Variants in MS4A15 observed in about 807,000 individuals in gnomAD.
MS4A15 encodes the protein membrane-spanning 4-domains subfamily A member 15.
In MS4A15, 22 loss-of-function variants were observed where a neutral mutation model predicts 20.6. That is an observed-to-expected ratio of 1.07 (90% confidence interval 0.76 to 1.52). The LOEUF (loss-of-function observed/expected upper bound fraction) is 1.52. Ranked by LOEUF, MS4A15 falls within the 40% of genes most tolerant of loss-of-function variation. The probability of loss-of-function intolerance (pLI) is 0.00; values close to 1 mark genes in which losing one functional copy is unlikely to be tolerated. For missense variants in MS4A15, 312 were observed against 323.0 expected, an observed-to-expected ratio of 0.97 and a Z score of 0.26; for synonymous variants, 129 against 129.3, an observed-to-expected ratio of 1.00 and a Z score of 0.02.
chr11:60,771,615 A>G (rs115197709), intron 4 of MS4A15: 27,894 of 1,485,866 alleles, frequency 0.019, 375 homozygotes, highest in Middle Eastern at 0.047. Flanking sequence ...GAAAGATGCT[A>G]GAAGATCTCC....
Position 60,773,939 on chromosome 11 carries a change from C to T in MS4A15, c.601C>T (p.Gln201Ter), listed in dbSNP as rs566563338. 1 of 1,613,650 alleles carries T rather than the reference C, an allele frequency of 6.2e-7. No individual in the cohort carries two copies. Among genetic ancestry groups the T allele is most frequent in the South Asian group, 1.1e-5 (1 of 91,064 alleles). ...MHFGCQAIHA[Q>*]ASAPVIFLPN... ...CTTCGGGTGCCAAGCCATCCATGCC[C>T]AGGCCAGTGCAGTGAGTACCCCCAC... Residue 201 changes from glutamine (Q) to a stop codon, truncating the protein, a stop_gained, in exon 6 of 7, where the codon CAG (glutamine) becomes TAG (stop). Coordinates refer to ENST00000405633, the MANE Select transcript of MS4A15 (RefSeq NM_001098835.2). LOFTEE classifies it high-confidence loss of function.
Position 60,763,829 on chromosome 11 carries a change from C to T in MS4A15, c.96C>T (p.Ser32=), listed in dbSNP as rs568819110. The change falls in exon 2 of 7, where the codon TCC becomes TCT. Residue 32 remains serine, a synonymous_variant. Coordinates refer to ENST00000405633, the MANE Select transcript of MS4A15 (RefSeq NM_001098835.2). ...CACCTCCGGCCATTCTGCCCACATC[C>T]ATGTGCCAACCTCCAGGGATTATGC... is the stretch of plus-strand genomic sequence containing the variant. The part of the protein sequence containing the change: ...LCPPPAILPT[S]MCQPPGIMQF... The T allele has an allele frequency of 1.9e-5, 31 of 1,612,726 alleles. No individual in the cohort carries two copies. The East Asian group carries it at 5.1e-4, about 27-fold the overall frequency.
chr11:60,773,523 A>C (rs1486966570), intron 5 of MS4A15, 39 bp downstream of exon 5: 4 of 1,571,176 alleles, frequency 2.5e-6, no homozygotes, highest in Non-Finnish European at 3.5e-6. Context: ...GAAAACTTGG[A>C]AAATGATGCA....
intron 4 of MS4A15, among the ~76,000 whole-genome samples, chr11:60,772,802 C>G (rs570840435): frequency 6.6e-6 from 1 of 152,166 alleles, no homozygotes; most frequent in Non-Finnish European, 1.5e-5. Context: ...TTGCCCTGCA[C>G]GCTCTTTAGA....
In MS4A15 at chr11:60,773,308, G is replaced by A. The variant is rs1038037245; in HGVS notation, c.406-84G>A. 3.5e-6 allele frequency: 4 copies of A among 1,155,802 alleles called. No individual in the cohort carries two copies. The African/African-American group carries it at 6.1e-5, about 18-fold the overall frequency. The allele number at this position is 1,155,802 out of a possible 1,614,324, so 71.6% of individuals were successfully genotyped here. On this transcript the variant is annotated intron_variant, in intron 4 of 6. Coordinates refer to ENST00000405633, the MANE Select transcript of MS4A15 (RefSeq NM_001098835.2). ...TTGGCTGTGGGAGGCAGCGTGCTGGGGGCTGGGCAGCTGAGCCACAGCCCC... is the reference window on the plus strand; with the variant it reads ...TTGGCTGTGGGAGGCAGCGTGCTGGAGGCTGGGCAGCTGAGCCACAGCCCC...
intron 4 of MS4A15, among the ~76,000 whole-genome samples, chr11:60,772,720 C>T (rs1006082509): frequency 1.3e-5 from 2 of 152,166 alleles, no homozygotes; most frequent in African/African-American, 2.4e-5. Context: ...CTACGGGTCA[C>T]GAGACCGTCA....
At chr11:60,773,244 G>C (rs1647446870) in intron 4 of MS4A15, 148 bp from the exon 5 acceptor site, 2 of 594,164 alleles carry the variant, frequency 3.4e-6, no homozygotes, top group South Asian at 4.3e-5. Context: ...CAGTCAATGA[G>C]AACACAGCTG....
chr11:60,763,645 A>G, intron 1 of MS4A15, 61 bp from the exon 2 acceptor site: 2 of 1,403,762 alleles, frequency 1.4e-6, no homozygotes, highest in Non-Finnish European at 2.0e-6. Flanking sequence ...CACGTTGCTT[A>G]TCAACTAAAA....
At chr11:60,760,766 G>A (rs1263398670) in intron 1 of MS4A15, among the ~76,000 whole-genome samples, 1 of 152,160 alleles carries the variant, frequency 6.6e-6, no homozygotes, top group Non-Finnish European at 1.5e-5. Context: ...ACAAAAAAGG[G>A]GGAATATCGG....
chr11:60,760,265 C>T (rs1306931662), intron 1 of MS4A15, among the ~76,000 whole-genome samples: 1 of 152,210 alleles, frequency 6.6e-6, no homozygotes, highest in Non-Finnish European at 1.5e-5. Context: ...TGCTTTTTTT[C>T]CATCAGAACG....
At chr11:60,757,434 C>T (rs1853622211) in intron 1 of MS4A15, among the ~76,000 whole-genome samples, 2 of 152,094 alleles carry the variant, frequency 1.3e-5, no homozygotes, top group East Asian at 1.9e-4. Context: ...TCAGACCGCC[C>T]GTCTTTGCCT....
Position 60,767,537 on chromosome 11 carries a change from T to A in MS4A15, c.230T>A (p.Val77Glu). Residue 77 changes from valine (V) to glutamate (E), a missense_variant, in exon 3 of 7, where the codon GTG becomes GAG. By Grantham distance (121) the Val-to-Glu change is moderately radical (BLOSUM62 -2). Coordinates refer to ENST00000405633, the MANE Select transcript of MS4A15 (RefSeq NM_001098835.2). ...LTGEPKVLGTVQILIGLIHLG... is the reference protein window; with the variant it reads ...LTGEPKVLGTEQILIGLIHLG... ...GAGCCTCGGGGCTTCCCGCAGACGG[T>A]GCAGATCCTCATCGGCCTCATCCAC... 1 of 1,543,446 alleles carries A rather than the reference T, an allele frequency of 6.5e-7. No homozygotes were observed. The highest frequency in any genetic ancestry group is 8.7e-7 in the Non-Finnish European group (1 of 1,143,142).
At chr11:60,767,966 G>A (rs1018051516) in intron 3 of MS4A15, among the ~76,000 whole-genome samples, 1 of 152,202 alleles carries the variant, frequency 6.6e-6, no homozygotes, top group African/African-American at 2.4e-5. Context: ...GCCGAGGCAG[G>A]CAGATCACTT....
intron 3 of MS4A15, 62 bp from the exon 4 acceptor site, chr11:60,771,229 G>T: frequency 6.3e-7 from 1 of 1,591,710 alleles, no homozygotes; most frequent in Non-Finnish European, 8.6e-7. Flanking sequence ...CAGATCCCAA[G>T]CAGGGTCTGC....
chr11:60,774,907 A>T (rs906774813), intron 6 of MS4A15, among the ~76,000 whole-genome samples: 3 of 152,126 alleles, frequency 2.0e-5, no homozygotes, highest in Admixed American at 6.5e-5. Context: ...CCAGTGCCGG[A>T]AGGTGGAGAG....
intron 6 of MS4A15, 35 bp from the exon 7 acceptor site, chr11:60,775,570 G>C (rs1353474308): frequency 6.4e-7 from 1 of 1,569,510 alleles, no homozygotes; most frequent in South Asian, 1.1e-5. Context: ...AAGCTCCAGC[G>C]TCCTCCAGGA....
rs181471584 is a variant in MS4A15 at position 60,773,078 on chromosome 11, A to G, written c.406-314A>G. On this transcript the variant is annotated intron_variant, in intron 4 of 6. Transcript: ENST00000405633. ...CTGGGCCTGGGGGAGAGGGAGCCAC[A>G]GTACGGGGTAAGCTGGAGGCTGCAA... Among the ~76,000 whole-genome samples the G allele has an allele frequency of 4.2e-3, 643 of 152,332 alleles. 24 individuals are homozygous for G. Among genetic ancestry groups the G allele is most frequent in the Admixed American group, 0.041 (620 of 15,300 alleles).
At chr11:60,773,366 T>G (rs202147867) in intron 4 of MS4A15, 26 bp from the exon 5 acceptor site, 10 of 1,593,464 alleles carry the variant, frequency 6.3e-6, no homozygotes, top group Non-Finnish European at 7.7e-6. Context: ...CTATTCCCTC[T>G]GCTCCTGTCT....
In MS4A15 at chr11:60,775,626, G is replaced by A. The variant is rs750187285; in HGVS notation, c.634G>A (p.Ala212Thr). The stretch of plus-strand genomic sequence containing the variant: ...GCAGCCTGTGATCTTCCTGCCAAAC[G>A]CCTTCAGCGCAGACTTCAACATCCC... ...ASAPVIFLPN[A>T]FSADFNIPSP... The change falls in exon 7 of 7, where the codon GCC (alanine) becomes ACC (threonine). Residue 212 changes from alanine (A) to threonine (T), a missense_variant. Physicochemically the swap from Ala to Thr is moderately conservative, Grantham distance 58. Transcript: ENST00000405633. 5 of 1,613,746 alleles carry A rather than the reference G, an allele frequency of 3.1e-6. No homozygotes were observed. The Admixed American group carries it at 6.7e-5, about 22-fold the overall frequency.
Sources: gnomAD v4.1 joint callset for allele counts (sites outside exome capture counted in the v4.1 genomes callset) on GRCh38, gnomAD v4.1.1 for gene constraint, MANE v1.5 for transcripts, NCBI Gene and HGNC (gene_info 2026-07-23, HGNC 2026-07-21) for gene names.